Variants in C5orf24 observed in about 807,000 individuals in gnomAD.
C5orf24 encodes UPF0461 protein C5orf24.
A neutral mutation model predicts 9.8 loss-of-function variants in C5orf24; 4 were observed. That is an observed-to-expected ratio of 0.41 (90% CI 0.20 to 0.93). The LOEUF (loss-of-function observed/expected upper bound fraction) is 0.93. Among genes scored for constraint, C5orf24 ranks in the 40% least tolerant of loss-of-function variants. The probability of loss-of-function intolerance (pLI) is 0.33; values close to 1 mark genes in which losing one functional copy is unlikely to be tolerated. For synonymous variants in C5orf24, 73 were observed against 81.3 expected, an observed-to-expected ratio of 0.90 and a Z score of 0.55; for missense variants, 170 against 236.9, an observed-to-expected ratio of 0.72 and a Z score of 1.85.
chr5:134,851,229 G>T (rs1172761353), intron 1 of C5orf24, among the ~76,000 whole-genome samples: 1 of 151,942 alleles, frequency 6.6e-6, no homozygotes, highest in Non-Finnish European at 1.5e-5. Context: ...TGGCCATCCT[G>T]GTTGTCTTTA....
chr5:134,858,196 A>G lies in C5orf24; in HGVS notation c.*2729A>G, dbSNP rs1470593896. Reference sequence around the variant, plus strand: ...ATTTAGAAAGCCGAATTTACTGTTCATCTGAGCGGTTACCTGGAGTATTAT... The same window carrying G: ...ATTTAGAAAGCCGAATTTACTGTTCGTCTGAGCGGTTACCTGGAGTATTAT... On this transcript the variant is annotated 3_prime_UTR_variant, in exon 2 of 2. Transcript: ENST00000394976. The G allele has an allele frequency of 1.2e-5, 2 of 167,088 alleles. No individual in the cohort carries two copies. The highest frequency in any genetic ancestry group is 2.4e-5 in the African/African-American group (1 of 41,454). 10.4% of individuals were successfully genotyped at this position (167,088 alleles called of 1,614,324 possible). A position where few individuals can be genotyped will look rare whatever the true frequency, so the allele number is the denominator to read the frequency against.
chr5:134,842,354 G>T (rs903327663), upstream of C5orf24, among the ~76,000 whole-genome samples: 1 of 152,020 alleles, frequency 6.6e-6, no homozygotes, highest in Non-Finnish European at 1.5e-5. Context: ...GCCAGGCATG[G>T]TAGCACATGC....
the C5orf24 span, among the ~76,000 whole-genome samples, chr5:134,839,864 C>A: frequency 6.6e-6 from 1 of 151,404 alleles, no homozygotes; most frequent in African/African-American, 2.4e-5. Flanking sequence ...ATTTTTTTTT[C>A]TTTGTATTTT....
At chr5:134,842,226 C>T (rs1045790142), upstream of C5orf24, among the ~76,000 whole-genome samples, 3 of 152,000 alleles carry the variant, frequency 2.0e-5, no homozygotes, top group Admixed American at 6.6e-5. Context: ...ACGGTGGCTC[C>T]TGCCTGTAAT....
upstream of C5orf24, among the ~76,000 whole-genome samples, chr5:134,842,528 A>ATAAATGAGTAGATGTGTCAGAG (rs1306861968): frequency 6.6e-6 from 1 of 151,980 alleles, no homozygotes; most frequent in Non-Finnish European, 1.5e-5. Context: ...AACATATAGC[A>ATAAATGAGTAGATGTGTCAGAG]TAAATGAGTA....
upstream of C5orf24, among the ~76,000 whole-genome samples, chr5:134,842,437 C>T (rs1365211703): frequency 6.6e-6 from 1 of 151,530 alleles, no homozygotes; most frequent in Admixed American, 6.6e-5. Flanking sequence ...TTGCAGTGAG[C>T]CAAGATTGGG....
At chr5:134,842,528 A>G (rs1025997535), upstream of C5orf24, among the ~76,000 whole-genome samples, 5 of 152,092 alleles carry the variant, frequency 3.3e-5, no homozygotes, top group South Asian at 8.3e-4. Flanking sequence ...AACATATAGC[A>G]TAAATGAGTA....
Position 134,857,647 on chromosome 5 carries a change from G to T in C5orf24, c.*2180G>T. ...ATTTACTCAGAACAGTATAACTTCT[G>T]ACACACACAAATGCTTGCCTCTTTA... is the stretch of plus-strand genomic sequence containing the variant. On this transcript the variant is annotated 3_prime_UTR_variant, in exon 2 of 2. Transcript: ENST00000394976. 1 of 383,704 alleles carries T rather than the reference G, an allele frequency of 2.6e-6. No homozygotes were observed. Among genetic ancestry groups the T allele is most frequent in the South Asian group, 1.3e-4 (1 of 7,792 alleles). 23.8% of individuals were successfully genotyped at this position (383,704 alleles called of 1,614,324 possible).
At position 134,855,915 on chromosome 5, in the gene C5orf24, G is replaced by A. The variant is rs942595212; in HGVS notation, c.*448G>A. Reference sequence around the variant, plus strand: ...ATCAGGATTACTTGAGGTAATGGCTGTGTGAGTTTTTGTAACATTTATTTT... The same window carrying A: ...ATCAGGATTACTTGAGGTAATGGCTATGTGAGTTTTTGTAACATTTATTTT... On this transcript the variant is annotated 3_prime_UTR_variant, in exon 2 of 2. Transcript: ENST00000394976. The A allele has an allele frequency of 6.0e-6, 6 of 1,007,934 alleles. No homozygotes were observed. The highest frequency in any genetic ancestry group is 4.6e-5 in the South Asian group (1 of 21,860). The allele number at this position is 1,007,934 out of a possible 1,614,324, so 62.4% of individuals were successfully genotyped here. A position where few individuals can be genotyped will look rare whatever the true frequency, so the allele number is the denominator to read the frequency against.
chr5:134,837,609 C>T, the C5orf24 span, among the ~76,000 whole-genome samples: 1 of 151,538 alleles, frequency 6.6e-6, no homozygotes, highest in African/African-American at 2.4e-5. Context: ...GGATCAGTGC[C>T]CTTATAAAAG....
intron 1 of C5orf24, among the ~76,000 whole-genome samples, chr5:134,847,340 G>A (rs1756023498): frequency 6.6e-6 from 1 of 152,218 alleles, no homozygotes; most frequent in Non-Finnish European, 1.5e-5. Flanking sequence ...CTGTCCCCCA[G>A]GCTGGAGTAC....
intron 1 of C5orf24, among the ~76,000 whole-genome samples, chr5:134,850,245 T>C (rs1053007134): frequency 6.6e-6 from 1 of 151,932 alleles, no homozygotes; most frequent in Non-Finnish European, 1.5e-5. Flanking sequence ...TCCTCCCAGG[T>C]TCAAGCGATT....
rs747992873 is a variant in C5orf24, at chr5:134,859,688, T to G, written c.*4221T>G. On this transcript the variant is annotated 3_prime_UTR_variant, in exon 2 of 2. Transcript: ENST00000394976. ...GTAGTGTTCATGATTTGTATCTACATCATCATATGGATGTATATTTATTAA... is the reference window on the plus strand; with the variant it reads ...GTAGTGTTCATGATTTGTATCTACAGCATCATATGGATGTATATTTATTAA... The G allele has an allele frequency of 1.6e-4, 27 of 167,052 alleles. No individual in the cohort carries two copies. Among genetic ancestry groups the G allele is most frequent in the Non-Finnish European group, 3.7e-4 (25 of 68,114 alleles). 10.3% of individuals were successfully genotyped at this position (167,052 alleles called of 1,614,324 possible).
At position 134,855,707 on chromosome 5, in the gene C5orf24, C is replaced by G; in HGVS notation, c.*240C>G. 1 of 1,388,294 alleles carries G rather than the reference C, an allele frequency of 7.2e-7. No homozygotes were observed. The highest frequency in any genetic ancestry group is 9.3e-7 in the Non-Finnish European group (1 of 1,069,828). The allele number at this position is 1,388,294 out of a possible 1,614,324, so 86.0% of individuals were successfully genotyped here. ...TGTAACACCTAACTAAATCATTTTT[C>G]CTTTTCCTTTAGAGTTATGGTCATG... On this transcript the variant is annotated 3_prime_UTR_variant, in exon 2 of 2. Coordinates refer to ENST00000394976, the MANE Select transcript of C5orf24 (RefSeq NM_001135586.1).
At chr5:134,853,127 T>A (rs1756206508) in intron 1 of C5orf24, among the ~76,000 whole-genome samples, 2 of 151,550 alleles carry the variant, frequency 1.3e-5, no homozygotes, top group Admixed American at 1.3e-4. Flanking sequence ...ATCGCGCTAC[T>A]GCACTCCAGC....
At chr5:134,834,262 G>A in the C5orf24 span, among the ~76,000 whole-genome samples, 1 of 152,182 alleles carries the variant, frequency 6.6e-6, no homozygotes, top group African/African-American at 2.4e-5. Context: ...GAACTTGGTA[G>A]TGATTGGATT....
At chr5:134,850,154 G>T (rs1327540137) in intron 1 of C5orf24, among the ~76,000 whole-genome samples, 2 of 151,658 alleles carry the variant, frequency 1.3e-5, no homozygotes, top group Non-Finnish European at 2.9e-5. Context: ...GTGGTTTTTT[G>T]TTTGTTTTCT....
chr5:134,855,562 G>A lies in C5orf24; in HGVS notation c.*95G>A. 1 of 1,498,512 alleles carries A rather than the reference G, an allele frequency of 6.7e-7. No homozygotes were observed. Among genetic ancestry groups the A allele is most frequent in the Non-Finnish European group, 8.9e-7 (1 of 1,119,946 alleles). The allele number at this position is 1,498,512 out of a possible 1,614,324, so 92.8% of individuals were successfully genotyped here. A position where few individuals can be genotyped will look rare whatever the true frequency, so the allele number is the denominator to read the frequency against. Reference sequence around the variant, plus strand: ...TTTGATATACATAATTTTATGGCCTGGGCTTTCCAAATTTGTTTTCCTGTT... The same window carrying A: ...TTTGATATACATAATTTTATGGCCTAGGCTTTCCAAATTTGTTTTCCTGTT... On this transcript the variant is annotated 3_prime_UTR_variant, in exon 2 of 2. Transcript: ENST00000394976.
chr5:134,855,435 A>G lies in C5orf24; in HGVS notation c.535A>G (p.Thr179Ala). Residue 179 changes from threonine to alanine, a missense_variant, in exon 2 of 2, where the codon ACT becomes GCT. By Grantham distance (58) the Thr-to-Ala change is moderately conservative (BLOSUM62 0). Coordinates refer to ENST00000394976, the MANE Select transcript of C5orf24 (RefSeq NM_001135586.1). ...HGRAVHGVEE[T>A]SSEVKPPNE ...CAGAGCAGTTCATGGGGTAGAGGAAACTAGCAGTGAAGTCAAACCACCCAA... is the reference window on the plus strand; with the variant it reads ...CAGAGCAGTTCATGGGGTAGAGGAAGCTAGCAGTGAAGTCAAACCACCCAA... 1 of 1,614,206 alleles carries G rather than the reference A, an allele frequency of 6.2e-7. No individual in the cohort carries two copies.
Sources: allele counts gnomAD v4.1 joint callset (sites outside exome capture counted in the v4.1 genomes callset), GRCh38; gene constraint gnomAD v4.1.1; transcripts MANE v1.5; gene names NCBI Gene and HGNC (gene_info 2026-07-23, HGNC 2026-07-21).